DPH6: variants seen among roughly 807,000 people sequenced by gnomAD.
DPH6 encodes the protein diphthine--ammonia ligase.
A neutral mutation model predicts 38.2 loss-of-function variants in DPH6; 33 were observed. That is an observed-to-expected ratio of 0.86 (90% confidence interval 0.65 to 1.15). DPH6 has a LOEUF of 1.15. DPH6 is among the 50% of genes most tolerant of loss of function. The pLI, the probability that DPH6 is intolerant of heterozygous loss-of-function variation, is 0.00. For synonymous variants in DPH6, 108 were observed against 103.0 expected (o/e 1.05, Z -0.30); for missense variants, 325 against 320.0 (o/e 1.02, Z -0.12).
chr15:35,542,579 C>T, intron 1 of DPH6, 72 bp from the exon 2 acceptor site: 1 of 1,299,164 alleles, frequency 7.7e-7, no homozygotes. Context: ...CACTAGATAT[C>T]AAAACAGAAC....
chr15:35,531,452 C>T (rs1478118106), intron 3 of DPH6, among the ~76,000 whole-genome samples: 1 of 152,034 alleles, frequency 6.6e-6, no homozygotes, highest in African/African-American at 2.4e-5. Context: ...TAACATGGCT[C>T]CCCTGTATCC....
chr15:35,266,287 G>A (rs1339554359), intron 3 of DPH6, among the ~76,000 whole-genome samples: 5 of 152,122 alleles, frequency 3.3e-5, no homozygotes, highest in East Asian at 1.9e-4. Context: ...AGTAGACAGC[G>A]TATGAAAGAG....
At chr15:35,449,669 A>AC (rs139064500) in intron 5 of DPH6, among the ~76,000 whole-genome samples, 96,232 of 151,920 alleles carry the variant, frequency 0.63, 34,675 homozygotes, top group South Asian at 0.84. Flanking sequence ...GCTGCTCAGC[A>AC]ACCTTTTCTC....
At chr15:35,357,854 A>G (rs1299232400) in intron 3 of DPH6, among the ~76,000 whole-genome samples, 1 of 152,178 alleles carries the variant, frequency 6.6e-6, no homozygotes, top group African/African-American at 2.4e-5. Context: ...CCTGATGACA[A>G]TGTGCATAGG....
At chr15:35,227,246 C>T (rs1003793072) in intron 3 of DPH6, among the ~76,000 whole-genome samples, 4 of 137,120 alleles carry the variant, frequency 2.9e-5, no homozygotes, top group East Asian at 4.5e-4. Context: ...TGCAGAGGCG[C>T]GATCTCGGCT....
chr15:35,250,520 A>T (rs178530), intron 3 of DPH6, among the ~76,000 whole-genome samples: 145,407 of 152,276 alleles, frequency 0.95, 69,509 homozygotes, highest in East Asian at 1. Flanking sequence ...TTTGAAGATA[A>T]AGGAAACATG....
chr15:35,463,113 T>C (rs2054085603), intron 3 of DPH6, among the ~76,000 whole-genome samples: 1 of 152,130 alleles, frequency 6.6e-6, no homozygotes, highest in South Asian at 2.1e-4. Flanking sequence ...TAAAATTAGA[T>C]ACTTTTTGTC....
intron 5 of DPH6, among the ~76,000 whole-genome samples, chr15:35,431,052 ACT>A (rs1362586078): frequency 6.6e-6 from 1 of 151,848 alleles, no homozygotes; most frequent in African/African-American, 2.4e-5. Context: ...TGTGTGAAAA[ACT>A]CTCAATAATT....
chr15:35,452,867 G>A (rs1041558952), intron 4 of DPH6, among the ~76,000 whole-genome samples: 5 of 152,080 alleles, frequency 3.3e-5, no homozygotes, highest in Non-Finnish European at 5.9e-5. Flanking sequence ...ACTTAAATAG[G>A]TTAAAAAATT....
exon 4 of DPH6, chr15:35,218,555 A>C (rs927543025): frequency 7.2e-5 from 11 of 152,354 alleles, no homozygotes; most frequent in African/African-American, 2.6e-4. Flanking sequence ...AGGGCAATAA[A>C]GACTTCTTAC....
chr15:35,238,182 G>A (rs2051569576), intron 3 of DPH6: 3 of 568,760 alleles, frequency 5.3e-6, no homozygotes, highest in Non-Finnish European at 9.1e-6. Flanking sequence ...TAACGTTGCT[G>A]TGGGAACGAG....
chr15:35,368,785 C>A (rs150553961), downstream of DPH6, among the ~76,000 whole-genome samples: 7 of 151,776 alleles, frequency 4.6e-5, no homozygotes, highest in East Asian at 1.2e-3. Context: ...AAAATGAGTT[C>A]AAGTTTTGTA....
At chr15:35,342,100 C>CTGCT (rs2052426171) in intron 3 of DPH6, among the ~76,000 whole-genome samples, 1 of 152,184 alleles carries the variant, frequency 6.6e-6, no homozygotes, top group Admixed American at 6.5e-5. Context: ...TTGTGAGGTG[C>CTGCT]TGTGGAAGTG....
At chr15:35,367,987 G>A (rs977387093), downstream of DPH6, among the ~76,000 whole-genome samples, 2 of 151,742 alleles carry the variant, frequency 1.3e-5, no homozygotes, top group Non-Finnish European at 2.9e-5. Flanking sequence ...GTTCTTATTA[G>A]AACTAATAGC....
intron 3 of DPH6, among the ~76,000 whole-genome samples, chr15:35,347,304 T>C (rs908314198): frequency 2.6e-5 from 4 of 152,092 alleles, no homozygotes; most frequent in African/African-American, 9.7e-5. Context: ...CATGTTGTCA[T>C]ATATGACAGA....
intron 3 of DPH6, among the ~76,000 whole-genome samples, chr15:35,297,668 A>G (rs1595466008): frequency 6.6e-6 from 1 of 151,814 alleles, no homozygotes; most frequent in Admixed American, 6.5e-5. Context: ...ATCTCTATCT[A>G]TATGCTGTGA....
chr15:35,423,886 T>C (rs1164049183), intron 5 of DPH6, among the ~76,000 whole-genome samples: 1 of 151,714 alleles, frequency 6.6e-6, no homozygotes, highest in Non-Finnish European at 1.5e-5. Context: ...CATAGATGTG[T>C]ACATTTATTT....
At chr15:35,217,347 T>A (rs1164382159) in exon 4 of DPH6, 1 of 152,006 alleles carries the variant, frequency 6.6e-6, no homozygotes, top group East Asian at 1.9e-4. Context: ...TGTCCTTATT[T>A]TTTATTTATT....
intron 3 of DPH6, among the ~76,000 whole-genome samples, chr15:35,270,872 G>T (rs977601554): frequency 6.6e-6 from 1 of 152,116 alleles, no homozygotes; most frequent in African/African-American, 2.4e-5. Flanking sequence ...GCAGTTTTAC[G>T]ATGTAAAGAT....
Sources: gnomAD v4.1 joint callset for allele counts (sites outside exome capture counted in the v4.1 genomes callset) on GRCh38, gnomAD v4.1.1 for gene constraint, MANE v1.5 for transcripts, NCBI Gene and HGNC (gene_info 2026-07-23, HGNC 2026-07-21) for gene names.